AGO2: variants seen among roughly 807,000 people sequenced by gnomAD.
The protein encoded by AGO2 is argonaute RISC catalytic component 2, also known as protein argonaute-2.
In AGO2, 5 loss-of-function variants were observed where a neutral mutation model predicts 102.3. The observed-to-expected ratio is 0.05, with a 90% CI of 0.03 to 0.10. The LOEUF (loss-of-function observed/expected upper bound fraction) is 0.10. Ranked by LOEUF, AGO2 falls within the 10% of genes least tolerant of loss-of-function variation. The probability of loss-of-function intolerance (pLI) is 1.00; values close to 1 mark genes in which losing one functional copy is unlikely to be tolerated. For synonymous variants in AGO2, 449 were observed against 473.1 expected, an observed-to-expected ratio of 0.95 and a Z score of 0.66; for missense variants, 541 against 1,183.7, an observed-to-expected ratio of 0.46 and a Z score of 7.97.
intron 10 of AGO2, among the ~76,000 whole-genome samples, chr8:140,553,292 G>A (rs1050864148): frequency 3.3e-5 from 5 of 152,162 alleles, no homozygotes; most frequent in African/African-American, 9.7e-5. Flanking sequence ...GCTGAGGTGG[G>A]AGGAACGCTT....
intron 1 of AGO2, among the ~76,000 whole-genome samples, chr8:140,588,967 T>C (rs994724541): frequency 4.6e-5 from 7 of 152,122 alleles, no homozygotes; most frequent in South Asian, 4.1e-4. Context: ...AAGGGAAAAA[T>C]AGTGAATGAG....
At chr8:140,634,848 ATTCAGCATT>A (rs1313193502) in intron 1 of AGO2, among the ~76,000 whole-genome samples, 2 of 152,124 alleles carry the variant, frequency 1.3e-5, no homozygotes, top group African/African-American at 4.8e-5. Context: ...ATTGGCCAAA[ATTCAGCATT>A]TCCAGACTTT....
chr8:140,628,370 C>T (rs1047519615), intron 1 of AGO2, among the ~76,000 whole-genome samples: 7 of 152,318 alleles, frequency 4.6e-5, no homozygotes, highest in South Asian at 2.1e-4. Context: ...GAGCCAGGCA[C>T]GTGGAGCTGC....
At chr8:140,594,342 A>T (rs2073790342) in intron 1 of AGO2, among the ~76,000 whole-genome samples, 1 of 152,266 alleles carries the variant, frequency 6.6e-6, no homozygotes, top group African/African-American at 2.4e-5. Context: ...CTGTAAATAG[A>T]TAGTATTTTT....
At chr8:140,574,020 G>A (rs898953375) in intron 2 of AGO2, among the ~76,000 whole-genome samples, 1 of 152,180 alleles carries the variant, frequency 6.6e-6, no homozygotes, top group Non-Finnish European at 1.5e-5. Flanking sequence ...TGCTGGGAGA[G>A]ACTGGGGTTT....
intron 2 of AGO2, among the ~76,000 whole-genome samples, chr8:140,583,910 C>T (rs762293884): frequency 1.3e-5 from 2 of 152,084 alleles, no homozygotes; most frequent in Non-Finnish European, 1.5e-5. Context: ...GAAAGGGTAG[C>T]GCATTGCTCT....
At chr8:140,607,248 T>TA (rs1047002190) in intron 1 of AGO2, among the ~76,000 whole-genome samples, 222 of 143,876 alleles carry the variant, frequency 1.5e-3, no homozygotes, top group African/African-American at 5.0e-3. Flanking sequence ...AAACTCCATT[T>TA]AAAAAAAAAA....
chr8:140,577,916 C>T (rs1018134200), intron 2 of AGO2, among the ~76,000 whole-genome samples: 1 of 152,238 alleles, frequency 6.6e-6, no homozygotes, highest in Non-Finnish European at 1.5e-5. Context: ...TCATCCTGCA[C>T]ACCCAGCACG....
intron 12 of AGO2, 61 bp from the exon 13 acceptor site, chr8:140,547,688 A>C: frequency 6.4e-7 from 1 of 1,556,448 alleles, no homozygotes; most frequent in South Asian, 1.2e-5. Context: ...TGGCCCCGAG[A>C]GCAGCAGCTG....
chr8:140,583,928 T>C (rs7004648), intron 2 of AGO2, among the ~76,000 whole-genome samples: 2,105 of 152,104 alleles, frequency 0.014, 40 homozygotes, highest in African/African-American at 0.048. Flanking sequence ...TCTACTACGT[T>C]ACGTGGGCTA....
intron 2 of AGO2, among the ~76,000 whole-genome samples, chr8:140,577,446 G>A (rs1253216739): frequency 6.6e-6 from 1 of 152,204 alleles, no homozygotes; most frequent in African/African-American, 2.4e-5. Flanking sequence ...GTTCTTACAG[G>A]AGTGTATACC....
At chr8:140,560,117 C>T (rs959038188) in intron 5 of AGO2, among the ~76,000 whole-genome samples, 3 of 152,222 alleles carry the variant, frequency 2.0e-5, no homozygotes, top group South Asian at 2.1e-4. Context: ...AAGGAAGCCC[C>T]GGATCCTCAG....
intron 1 of AGO2, among the ~76,000 whole-genome samples, chr8:140,594,574 G>A (rs1434799376): frequency 1.3e-5 from 2 of 151,912 alleles, no homozygotes; most frequent in Admixed American, 6.6e-5. Flanking sequence ...GATCACTTGA[G>A]GCCACAAGTT....
chr8:140,596,869 G>A (rs1165344835), intron 1 of AGO2, among the ~76,000 whole-genome samples: 2 of 152,108 alleles, frequency 1.3e-5, no homozygotes, highest in Non-Finnish European at 2.9e-5. Flanking sequence ...CGTCGTGACC[G>A]CTGTCTCATC....
chr8:140,532,682 G>T, intron 17 of AGO2, 67 bp from the exon 18 acceptor site: 1 of 1,478,412 alleles, frequency 6.8e-7, no homozygotes, highest in Non-Finnish European at 9.3e-7. Context: ...CTGTGGAGAA[G>T]ATTTATATTT....
chr8:140,632,648 C>A (rs1465723609), intron 1 of AGO2, among the ~76,000 whole-genome samples: 5 of 152,124 alleles, frequency 3.3e-5, no homozygotes, highest in South Asian at 2.1e-4. Flanking sequence ...GGTTAAAAAA[C>A]CAAAAAACTA....
At chr8:140,553,922 G>A (rs11776405) in intron 10 of AGO2, among the ~76,000 whole-genome samples, 131 of 152,204 alleles carry the variant, frequency 8.6e-4, no homozygotes, top group Non-Finnish European at 1.3e-3. Flanking sequence ...GGCTGGTCTC[G>A]AACTCCTGAC....
At position 140,567,794 on chromosome 8, in the gene AGO2, G is replaced by A. The variant is rs544516760; in HGVS notation, c.336+5018C>T. On this transcript the variant is annotated intron_variant, in intron 3 of 18. Transcript: ENST00000220592. This position sits in a 1 kb window ranked among gnomAD's most constrained non-coding sequence, Gnocchi z 5.0. ...CATGGGGTGATTCCTCTTTGGGGTC[G>A]TCACACAACTCAGCAACAAAGGGAA... Among the ~76,000 whole-genome samples the A allele has an allele frequency of 9.8e-4, 149 of 152,134 alleles. No individual in the cohort carries two copies. The highest frequency in any genetic ancestry group is 1.7e-3 in the Non-Finnish European group (119 of 68,020).
rs2132827950 is a variant in AGO2, at chr8:140,522,135, G to A, written c.*9909C>T. 1 of 152,090 alleles carries A rather than the reference G, an allele frequency of 6.6e-6. No homozygotes were observed. The highest frequency in any genetic ancestry group is 1.5e-5 in the Non-Finnish European group (1 of 67,994). 9.4% of individuals were successfully genotyped at this position (152,090 alleles called of 1,614,324 possible). The stretch of plus-strand genomic sequence containing the variant: ...CTGTAATATAAATAAAATATGTACT[G>A]TTTCATACTGAATTTTTTCAATGCA... On this transcript the variant is annotated 3_prime_UTR_variant, in exon 19 of 19. Coordinates refer to ENST00000220592, the MANE Select transcript of AGO2 (RefSeq NM_012154.5).
Sources: gnomAD v4.1 joint callset for allele counts (sites outside exome capture counted in the v4.1 genomes callset) on GRCh38, gnomAD v4.1.1 for gene constraint, Gnocchi (gnomAD v3.1) non-coding constraint, MANE v1.5 for transcripts, NCBI Gene and HGNC (gene_info 2026-07-23, HGNC 2026-07-21) for gene names.